NPHP1: variants seen among roughly 807,000 people sequenced by gnomAD.
The protein encoded by NPHP1 is nephrocystin 1, also known as nephrocystin-1.
Under a neutral mutation model 90.4 loss-of-function variants are expected in NPHP1, and 70 were observed. The observed-to-expected ratio is 0.77, with a 90% CI of 0.64 to 0.95. The LOEUF (loss-of-function observed/expected upper bound fraction) is 0.95. Among genes scored for constraint, NPHP1 ranks in the 40% least tolerant of loss-of-function variants. The pLI, the probability that NPHP1 is intolerant of heterozygous loss-of-function variation, is 0.00. For missense variants in NPHP1, 764 were observed against 795.9 expected (o/e 0.96, Z 0.48); for synonymous variants, 256 against 271.7 (o/e 0.94, Z 0.57).
At chr2:110,184,092 A>G (rs564639431) in intron 2 of NPHP1, 46 of 536,150 alleles carry the variant, frequency 8.6e-5, no homozygotes, top group African/African-American at 8.4e-4. Flanking sequence ...CCAGCCTGTC[A>G]TGATCGACAA....
At chr2:110,183,112 C>G (rs1190347688) in intron 2 of NPHP1, among the ~76,000 whole-genome samples, 1 of 152,082 alleles carries the variant, frequency 6.6e-6, no homozygotes, top group African/African-American at 2.4e-5. Flanking sequence ...TACATATGCA[C>G]CCAAAAAAAG....
chr2:110,191,310 C>T (rs1038481001), intron 2 of NPHP1, among the ~76,000 whole-genome samples: 11 of 152,154 alleles, frequency 7.2e-5, no homozygotes, highest in Non-Finnish European at 7.4e-5. Flanking sequence ...CGGGTCACCC[C>T]CACCCTAATA....
intron 4 of NPHP1, among the ~76,000 whole-genome samples, chr2:110,172,863 T>G (rs1297538093): frequency 6.6e-6 from 1 of 152,152 alleles, no homozygotes; most frequent in East Asian, 1.9e-4. Flanking sequence ...ATTCCAAATA[T>G]TTTCTAATTG....
intron 12 of NPHP1, among the ~76,000 whole-genome samples, chr2:110,149,312 C>T (rs1285200738): frequency 6.6e-6 from 1 of 152,048 alleles, no homozygotes; most frequent in Non-Finnish European, 1.5e-5. Flanking sequence ...TTCCTTCTAC[C>T]CCAGGAAAAA....
chr2:110,177,134 G>A (rs1453518612), intron 4 of NPHP1, among the ~76,000 whole-genome samples: 2 of 152,132 alleles, frequency 1.3e-5, no homozygotes, highest in Non-Finnish European at 2.9e-5. Flanking sequence ...TTTGCTTCAT[G>A]TGTCTCCCTA....
intron 2 of NPHP1, chr2:110,184,777 A>G: frequency 4.2e-6 from 3 of 710,538 alleles, no homozygotes; most frequent in South Asian, 2.7e-5. Flanking sequence ...AAGAGACACT[A>G]GAGACAGAGA....
In NPHP1 at chr2:110,143,641, G is replaced by A. The variant is rs1425108394; in HGVS notation, c.1430C>T (p.Ala477Val). 1.2e-6 allele frequency: 2 copies of A among 1,608,846 alleles called. No homozygotes were observed. The highest frequency in any genetic ancestry group is 1.7e-6 in the Non-Finnish European group (2 of 1,175,294). Residue 477 changes from alanine to valine, a missense_variant and splice_region_variant, in exon 16 of 20, where the codon GCA (alanine) becomes GTA (valine). Transcript: ENST00000445609. ...AATCTGGTAGAAAACACTGCCGTGTGCTTTTAAGAAAAATCAAAAGTAACT... is the reference window on the plus strand; with the variant it reads ...AATCTGGTAGAAAACACTGCCGTGTACTTTTAAGAAAAATCAAAAGTAACT... ...IEVDPSISRR[A>V]HGSVFYQIMT...
intron 2 of NPHP1, among the ~76,000 whole-genome samples, chr2:110,190,302 G>A (rs1360172101): frequency 6.6e-6 from 1 of 152,168 alleles, no homozygotes; most frequent in Non-Finnish European, 1.5e-5. Context: ...TGTCAGGGAG[G>A]CTCGGGCCGC....
At chr2:110,168,601 T>C in intron 5 of NPHP1, 48 bp from the exon 6 acceptor site, 1 of 1,224,330 alleles carries the variant, frequency 8.2e-7, no homozygotes, top group South Asian at 1.2e-5. Context: ...TCAATAATCA[T>C]GAGTATATGT....
intron 17 of NPHP1, 22 bp from the exon 18 acceptor site, chr2:110,129,281 A>C (rs1274873250): frequency 1.3e-6 from 2 of 1,580,406 alleles, no homozygotes; most frequent in Non-Finnish European, 1.7e-6. Flanking sequence ...AACAACAGAA[A>C]GAATTTTATG....
chr2:110,183,257 A>G (rs1183128859), intron 2 of NPHP1, among the ~76,000 whole-genome samples: 1 of 152,182 alleles, frequency 6.6e-6, no homozygotes, highest in East Asian at 1.9e-4. Flanking sequence ...TGGGTTTACC[A>G]GAATGAGGGA....
At chr2:110,126,619 T>A (rs1475604129) in intron 18 of NPHP1, 1 of 152,576 alleles carries the variant, frequency 6.6e-6, no homozygotes, top group African/African-American at 2.4e-5. Flanking sequence ...AGAACCAGAG[T>A]GTTTTACTAA....
intron 1 of NPHP1, among the ~76,000 whole-genome samples, chr2:110,204,297 T>C (rs939394909): frequency 6.6e-6 from 1 of 152,226 alleles, no homozygotes; most frequent in Non-Finnish European, 1.5e-5. Flanking sequence ...TGATACCTTA[T>C]GTGCTTTGCA....
chr2:110,139,082 G>T (rs1238688604), intron 16 of NPHP1, among the ~76,000 whole-genome samples: 1 of 151,988 alleles, frequency 6.6e-6, no homozygotes, highest in Non-Finnish European at 1.5e-5. Context: ...CAATGAATGG[G>T]TCTCAAGCAT....
intron 2 of NPHP1, among the ~76,000 whole-genome samples, chr2:110,196,682 C>G (rs1685189930): frequency 6.6e-6 from 1 of 152,170 alleles, no homozygotes; most frequent in Admixed American, 6.5e-5. Flanking sequence ...ATAAATCATG[C>G]TGCTATAAAG....
At chr2:110,198,953 T>A (rs963000328) in intron 2 of NPHP1, among the ~76,000 whole-genome samples, 1 of 151,192 alleles carries the variant, frequency 6.6e-6, no homozygotes, top group Non-Finnish European at 1.5e-5. Context: ...ATTAATTAAT[T>A]AACTAATTAA....
chr2:110,133,896 T>C (rs7601685), intron 16 of NPHP1, among the ~76,000 whole-genome samples: 6,508 of 152,072 alleles, frequency 0.043, 458 homozygotes, highest in African/African-American at 0.15. Flanking sequence ...GAGGGAAATT[T>C]ATAGCTATAA....
At chr2:110,127,681 A>T (rs1314388459) in intron 18 of NPHP1, 5 of 152,008 alleles carry the variant, frequency 3.3e-5, no homozygotes, top group Non-Finnish European at 7.4e-5. Flanking sequence ...CCCAGAGCTG[A>T]CCCGCAGGGA....
chr2:110,172,568 C>T (rs1005068224), intron 4 of NPHP1, among the ~76,000 whole-genome samples: 2 of 151,952 alleles, frequency 1.3e-5, no homozygotes, highest in African/African-American at 4.8e-5. Context: ...ATTGCATAAG[C>T]CCATGAGTTC....
Sources: allele counts gnomAD v4.1 joint callset (sites outside exome capture counted in the v4.1 genomes callset), GRCh38; gene constraint gnomAD v4.1.1; transcripts MANE v1.5; gene names NCBI Gene and HGNC (gene_info 2026-07-23, HGNC 2026-07-21).